SDK2: variants seen among roughly 807,000 people sequenced by gnomAD.
SDK2 encodes protein sidekick-2.
In SDK2, 105 loss-of-function variants were observed where a neutral mutation model predicts 253.9. The observed-to-expected ratio is 0.41, with a 90% CI of 0.35 to 0.49. SDK2 has a LOEUF of 0.49. Ranked by LOEUF, SDK2 falls within the 20% of genes least tolerant of loss-of-function variation. SDK2 has a pLI of 0.06. For synonymous variants in SDK2, 1,249 were observed against 1,234.9 expected, an observed-to-expected ratio of 1.01 and a Z score of -0.24; for missense variants, 2,608 against 3,003.0, an observed-to-expected ratio of 0.87 and a Z score of 3.07.
In SDK2 at chr17:73,348,584, C is replaced by T. The variant is rs186354289; in HGVS notation, c.6165+15G>A. On this transcript the variant is annotated intron_variant, in intron 44 of 44. Coordinates refer to ENST00000392650, the MANE Select transcript of SDK2 (RefSeq NM_001144952.2). ...TCCCTGCCCCCTGCAGGACACCTGGCCCTCCTGCCCTCACCTGAGAGTCGG... is the reference window on the plus strand; with the variant it reads ...TCCCTGCCCCCTGCAGGACACCTGGTCCTCCTGCCCTCACCTGAGAGTCGG... 3.0e-5 allele frequency: 48 copies of T among 1,610,642 alleles called. No individual in the cohort carries two copies. In the African/African-American group the frequency reaches 5.7e-4, roughly 19 times the overall value.
intron 2 of SDK2, among the ~76,000 whole-genome samples, chr17:73,473,528 A>C (rs2063666619): frequency 6.6e-6 from 1 of 152,182 alleles, no homozygotes; most frequent in Non-Finnish European, 1.5e-5. Context: ...GGGTATCTCT[A>C]GATGTGCCAA....
chr17:73,356,410 C>T (rs981411959), intron 40 of SDK2, among the ~76,000 whole-genome samples: 7 of 152,140 alleles, frequency 4.6e-5, no homozygotes, highest in African/African-American at 1.4e-4. Flanking sequence ...ATGTGCAGGA[C>T]GGGTTCCTGG....
chr17:73,549,432 A>AC lies in SDK2; in HGVS notation c.65-41836dup, dbSNP rs2045019973. 8.5e-5 allele frequency among the ~76,000 whole-genome samples: 13 copies of AC among 152,202 alleles called. No individual in the cohort carries two copies. The South Asian group carries it at 2.7e-3, about 32-fold the overall frequency. On this transcript the variant is annotated intron_variant, in intron 1 of 44. Coordinates refer to ENST00000392650, the MANE Select transcript of SDK2 (RefSeq NM_001144952.2). Reference sequence around the variant, plus strand: ...AAGTGATTTGATCCGTCATCCATTCACCCAAAAACCATTCCTGGAGCACCT... The same window carrying AC: ...AAGTGATTTGATCCGTCATCCATTCACCCCAAAAACCATTCCTGGAGCACCT...
rs1214729319 is a variant in SDK2 at position 73,431,629 on chromosome 17, G to A, written c.1353C>T (p.Arg451=). The part of the protein sequence containing the change: ...ILASGSVQLP[R]FTPLESGSLL... ...GGCTGCCCGACTCCAGGGGTGTGAAGCGAGGCAGCTGCACAGAGCCACTGG... is the reference window on the plus strand; with the variant it reads ...GGCTGCCCGACTCCAGGGGTGTGAAACGAGGCAGCTGCACAGAGCCACTGG... The change falls in exon 11 of 45, where the codon CGC becomes CGT. Residue 451 remains arginine, a synonymous_variant. Transcript: ENST00000392650. The surrounding 1 kb of genome is among the most constrained non-coding windows in gnomAD (Gnocchi z 5.6). 3 of 1,612,980 alleles carry A rather than the reference G, an allele frequency of 1.9e-6. No homozygotes were observed. Among genetic ancestry groups the A allele is most frequent in the African/African-American group, 1.3e-5 (1 of 74,896 alleles).
chr17:73,515,149 C>CCAA (rs1317612291), intron 1 of SDK2, among the ~76,000 whole-genome samples: 1 of 152,200 alleles, frequency 6.6e-6, no homozygotes, highest in African/African-American at 2.4e-5. Context: ...TAGGAGAAAA[C>CCAA]CAACGCTCAG....
intron 1 of SDK2, chr17:73,513,549 T>A (rs577145789): frequency 1.3e-5 from 2 of 152,320 alleles, no homozygotes; most frequent in Admixed American, 6.5e-5. Flanking sequence ...TTGGCAATGC[T>A]ATCAAAGCTA....
intron 36 of SDK2, among the ~76,000 whole-genome samples, chr17:73,372,781 C>A (rs922359101): frequency 4.6e-5 from 7 of 151,964 alleles, no homozygotes; most frequent in Non-Finnish European, 7.4e-5. Flanking sequence ...AACAAAAAAA[C>A]CCCAAAAAAC....
chr17:73,571,467 C>T (rs568493657), intron 1 of SDK2, among the ~76,000 whole-genome samples: 6 of 152,312 alleles, frequency 3.9e-5, no homozygotes, highest in Non-Finnish European at 7.4e-5. Flanking sequence ...CTCGGTGGCC[C>T]ACCCAGGCCC....
intron 13 of SDK2, 54 bp from the exon 14 acceptor site, chr17:73,423,576 G>A (rs1441704671): frequency 4.8e-6 from 7 of 1,461,306 alleles, no homozygotes; most frequent in Middle Eastern, 1.8e-4. Flanking sequence ...GGCAGGTGAC[G>A]GGGGCGCTGT....
intron 1 of SDK2, among the ~76,000 whole-genome samples, chr17:73,549,468 G>A (rs1191503703): frequency 3.3e-5 from 5 of 152,148 alleles, no homozygotes; most frequent in African/African-American, 9.7e-5. Context: ...GGCATGTGCT[G>A]GGAATCGCAA....
At chr17:73,414,587 C>T in intron 18 of SDK2, 57 bp downstream of exon 18, 1 of 1,386,808 alleles carries the variant, frequency 7.2e-7, no homozygotes, top group Non-Finnish European at 1.0e-6. Flanking sequence ...TCCCCTCTCC[C>T]CACCCCCTCC....
chr17:73,613,995 A>G (rs1037440439), intron 1 of SDK2, among the ~76,000 whole-genome samples: 3 of 152,090 alleles, frequency 2.0e-5, no homozygotes, highest in Non-Finnish European at 4.4e-5. Flanking sequence ...AAAAGAAAAC[A>G]CCACTGCTCC....
intron 4 of SDK2, among the ~76,000 whole-genome samples, chr17:73,449,133 G>A (rs2063474185): frequency 1.3e-5 from 2 of 152,110 alleles, no homozygotes; most frequent in Non-Finnish European, 2.9e-5. Context: ...CTTCTGGCAG[G>A]GAAAAGGGGC....
At chr17:73,513,136 T>C (rs1434834070) in intron 1 of SDK2, among the ~76,000 whole-genome samples, 2 of 127,470 alleles carry the variant, frequency 1.6e-5, no homozygotes, top group African/African-American at 5.1e-5. Flanking sequence ...ACAGAAATTC[T>C]GCCTGGAAAA....
At chr17:73,586,143 TA>T (rs2045599809) in intron 1 of SDK2, among the ~76,000 whole-genome samples, 1 of 152,166 alleles carries the variant, frequency 6.6e-6, no homozygotes, top group Non-Finnish European at 1.5e-5. Context: ...GGGTTGTGCA[TA>T]AGGCCTGGCA....
At chr17:73,636,654 C>CTGG (rs1398081899) in intron 1 of SDK2, among the ~76,000 whole-genome samples, 1 of 125,154 alleles carries the variant, frequency 8.0e-6, no homozygotes, top group East Asian at 2.5e-4. Flanking sequence ...GCACTCCAGC[C>CTGG]TGGGTGACAA....
chr17:73,379,398 G>A lies in SDK2; in HGVS notation c.4864+50C>T, dbSNP rs2062811632. On this transcript the variant is annotated intron_variant, in intron 35 of 44. Transcript: ENST00000392650. The surrounding 1 kb of genome is among the most constrained non-coding windows in gnomAD (Gnocchi z 4.5). ...ATCCCGTTTCTTCCAGCTGAACTGGGTGGGGCTGGGAAAGGCATGCTGGGG... is the reference window on the plus strand; with the variant it reads ...ATCCCGTTTCTTCCAGCTGAACTGGATGGGGCTGGGAAAGGCATGCTGGGG... 2.6e-6 allele frequency: 4 copies of A among 1,537,588 alleles called. No homozygotes were observed. The highest frequency in any genetic ancestry group is 1.4e-5 in the African/African-American group (1 of 73,614).
At chr17:73,350,478 T>G in intron 42 of SDK2, 103 bp from the exon 43 acceptor site, 3 of 1,474,900 alleles carry the variant, frequency 2.0e-6, no homozygotes, top group Non-Finnish European at 2.7e-6. Context: ...TTGGTAGAGT[T>G]GAGACCAAAA....
intron 3 of SDK2, among the ~76,000 whole-genome samples, chr17:73,464,004 G>A (rs4789638): frequency 0.18 from 26,820 of 152,112 alleles, 2,450 homozygotes; most frequent in Middle Eastern, 0.27. Context: ...CCAACACTTG[G>A]TGTTGTTAGA....
Sources: gnomAD v4.1 joint callset for allele counts (sites outside exome capture counted in the v4.1 genomes callset) on GRCh38, gnomAD v4.1.1 for gene constraint, Gnocchi (gnomAD v3.1) non-coding constraint, MANE v1.5 for transcripts, NCBI Gene and HGNC (gene_info 2026-07-23, HGNC 2026-07-21) for gene names.